PPP1R9A: variants seen among roughly 807,000 people sequenced by gnomAD.
PPP1R9A encodes the protein protein phosphatase 1 regulatory subunit 9A.
A neutral mutation model predicts 141.9 loss-of-function variants in PPP1R9A; 59 were observed. The ratio of observed to expected loss-of-function variants is 0.42; its 90% CI spans 0.34 to 0.52. The LOEUF is 0.52. Among genes scored for constraint, PPP1R9A ranks in the 20% least tolerant of loss-of-function variants. The pLI is 0.10. For missense variants in PPP1R9A, 1,444 were observed against 1,611.9 expected (o/e 0.90, Z 1.78); for synonymous variants, 500 against 569.7 (o/e 0.88, Z 1.74).
At chr7:95,217,887 G>A (rs1793738357) in intron 7 of PPP1R9A, among the ~76,000 whole-genome samples, 1 of 152,074 alleles carries the variant, frequency 6.6e-6, no homozygotes, top group Non-Finnish European at 1.5e-5. Flanking sequence ...CTTGCTATCA[G>A]TCTATCAATT....
At chr7:94,998,026 G>C (rs553003789) in intron 2 of PPP1R9A, among the ~76,000 whole-genome samples, 41 of 151,994 alleles carry the variant, frequency 2.7e-4, no homozygotes, top group Non-Finnish European at 5.6e-4. Flanking sequence ...AAGAAGGTAT[G>C]GACAATTTTA....
intron 2 of PPP1R9A, among the ~76,000 whole-genome samples, chr7:94,975,385 A>G (rs1280085589): frequency 2.3e-5 from 2 of 88,450 alleles, no homozygotes; most frequent in East Asian, 3.6e-4. Flanking sequence ...TTTTTTTTTA[A>G]GGATTAAGAT....
intron 2 of PPP1R9A, among the ~76,000 whole-genome samples, chr7:95,062,283 A>G (rs1180552012): frequency 2.0e-5 from 3 of 152,132 alleles, no homozygotes; most frequent in Non-Finnish European, 4.4e-5. Context: ...ATGACAGTTC[A>G]CATTTGAGAT....
intron 4 of PPP1R9A, among the ~76,000 whole-genome samples, chr7:95,142,869 A>G (rs1042454967): frequency 2.0e-5 from 3 of 151,998 alleles, no homozygotes; most frequent in African/African-American, 7.2e-5. Flanking sequence ...TTCAGTATGC[A>G]TTTTGTGTAT....
intron 5 of PPP1R9A, among the ~76,000 whole-genome samples, chr7:95,169,060 T>C (rs1344283248): frequency 6.6e-6 from 1 of 152,040 alleles, no homozygotes; most frequent in Non-Finnish European, 1.5e-5. Context: ...AAGAAATCAG[T>C]ATATCAAAGA....
chr7:95,103,785 C>T lies in PPP1R9A; in HGVS notation c.1396-7474C>T, dbSNP rs150645552. 3.9e-5 allele frequency among the ~76,000 whole-genome samples: 6 copies of T among 152,222 alleles called. No homozygotes were observed. In the East Asian group the frequency reaches 9.7e-4, roughly 24 times the overall value. ...CATGTGTATTGTCCTCTGAACTTCT[C>T]GTGTAAAAATATGAAAAACCGTGGG... On this transcript the variant is annotated intron_variant, in intron 2 of 19. Transcript: ENST00000433360.
intron 16 of PPP1R9A, among the ~76,000 whole-genome samples, chr7:95,278,092 G>A (rs1243375960): frequency 6.6e-6 from 1 of 152,192 alleles, no homozygotes; most frequent in Admixed American, 6.5e-5. Context: ...ACAACACTGA[G>A]CTGGAATCCA....
chr7:95,190,648 C>G (rs796900095), intron 5 of PPP1R9A, among the ~76,000 whole-genome samples: 7 of 152,344 alleles, frequency 4.6e-5, no homozygotes, highest in African/African-American at 1.7e-4. Context: ...CTAAGTTGGT[C>G]GGCCTCCATC....
chr7:95,103,562 G>T (rs1440842377), intron 2 of PPP1R9A, among the ~76,000 whole-genome samples: 4 of 151,864 alleles, frequency 2.6e-5, no homozygotes, highest in East Asian at 1.9e-4. Flanking sequence ...TAGAGACGGG[G>T]TTTCACCGTG....
At chr7:95,114,220 A>G (rs1310626718) in intron 3 of PPP1R9A, among the ~76,000 whole-genome samples, 3 of 152,208 alleles carry the variant, frequency 2.0e-5, no homozygotes, top group African/African-American at 7.2e-5. Flanking sequence ...AGCAGTATGT[A>G]TGATTCTTAA....
chr7:94,955,052 A>G (rs1311319596), intron 2 of PPP1R9A, among the ~76,000 whole-genome samples: 1 of 151,996 alleles, frequency 6.6e-6, no homozygotes, highest in African/African-American at 2.4e-5. Context: ...TCTTACTGTC[A>G]TTAATACAAT....
At chr7:94,917,574 ATT>A (rs558296990) in intron 2 of PPP1R9A, among the ~76,000 whole-genome samples, 4 of 140,188 alleles carry the variant, frequency 2.9e-5, no homozygotes, top group Non-Finnish European at 4.7e-5. Context: ...GCCTGTTATT[ATT>A]TTTTTTTTTT....
chr7:95,047,698 T>G (rs1303486908), intron 2 of PPP1R9A, among the ~76,000 whole-genome samples: 1 of 152,138 alleles, frequency 6.6e-6, no homozygotes, highest in Non-Finnish European at 1.5e-5. Context: ...TTGCAATAAC[T>G]TTTGCCAGTT....
intron 2 of PPP1R9A, among the ~76,000 whole-genome samples, chr7:95,077,783 G>T (rs1176421919): frequency 3.9e-5 from 6 of 152,096 alleles, no homozygotes; most frequent in Admixed American, 2.6e-4. Context: ...GGCCAGTTGT[G>T]GGGAGGTGAC....
At chr7:95,244,631 C>G (rs1433314856) in intron 8 of PPP1R9A, among the ~76,000 whole-genome samples, 1 of 152,170 alleles carries the variant, frequency 6.6e-6, no homozygotes, top group Non-Finnish European at 1.5e-5. Context: ...GCCCATAGTG[C>G]AGTGTTCACT....
intron 7 of PPP1R9A, among the ~76,000 whole-genome samples, chr7:95,221,579 T>G (rs1253473600): frequency 6.6e-6 from 1 of 152,060 alleles, no homozygotes; most frequent in Admixed American, 6.6e-5. Context: ...GTTACTATAA[T>G]TATGTTATTT....
chr7:95,004,097 C>G (rs986178167), intron 2 of PPP1R9A, among the ~76,000 whole-genome samples: 2 of 151,884 alleles, frequency 1.3e-5, no homozygotes, highest in Non-Finnish European at 2.9e-5. Flanking sequence ...TTTTCTTCTT[C>G]TGCTTGACTT....
intron 2 of PPP1R9A, among the ~76,000 whole-genome samples, chr7:94,969,636 TGAG>T (rs750318462): frequency 6.6e-6 from 1 of 152,062 alleles, no homozygotes; most frequent in Admixed American, 6.5e-5. Flanking sequence ...GCAACGCACT[TGAG>T]GAGGCAATCT....
chr7:95,267,961 T>A (rs1801562489), intron 12 of PPP1R9A, among the ~76,000 whole-genome samples: 1 of 152,152 alleles, frequency 6.6e-6, no homozygotes, highest in Admixed American at 6.6e-5. Flanking sequence ...AATTTGCTGA[T>A]TAGGTAAATT....
Sources: gnomAD v4.1 joint callset for allele counts (sites outside exome capture counted in the v4.1 genomes callset) on GRCh38, gnomAD v4.1.1 for gene constraint, MANE v1.5 for transcripts, NCBI Gene and HGNC (gene_info 2026-07-23, HGNC 2026-07-21) for gene names.